MALRD1: variants seen among roughly 807,000 people sequenced by gnomAD.
The protein encoded by MALRD1 is MAM and LDL-receptor class A domain-containing protein 1.
Under a neutral mutation model 242.1 loss-of-function variants are expected in MALRD1, and 247 were observed. The ratio of observed to expected loss-of-function variants is 1.02; its 90% CI spans 0.92 to 1.13. The LOEUF is 1.13. Ranked by LOEUF, MALRD1 falls within the 50% of genes most tolerant of loss-of-function variation. The pLI is 0.00. For missense variants in MALRD1, 2,989 were observed against 2,533.1 expected (o/e 1.18, Z -3.86); for synonymous variants, 995 against 866.6 (o/e 1.15, Z -2.60).
chr10:19,162,563 C>T (rs1402970193), intron 12 of MALRD1, among the ~76,000 whole-genome samples: 3 of 152,034 alleles, frequency 2.0e-5, no homozygotes, highest in African/African-American at 4.8e-5. Flanking sequence ...CAGCTTGTAT[C>T]AATAACTTAA....
rs999029449 is a variant in MALRD1, at chr10:19,701,547, G to T, written c.6314+8993G>T. On this transcript the variant is annotated intron_variant, in intron 38 of 39. Coordinates refer to ENST00000454679, the MANE Select transcript of MALRD1 (RefSeq NM_001142308.3). ...ACACCCTGGACGAAGGGAGCAGAGG[G>T]ACAGTCAGGTACTGAAGCACCCAAA... Among the ~76,000 whole-genome samples the T allele has an allele frequency of 1.2e-4, 18 of 152,084 alleles. 1 individual carries two copies. Among genetic ancestry groups the T allele is most frequent in the Admixed American group, 1.2e-3 (18 of 15,252 alleles).
chr10:19,146,374 A>G, intron 11 of MALRD1, 30 bp downstream of exon 11: 1 of 1,207,180 alleles, frequency 8.3e-7, no homozygotes, highest in Non-Finnish European at 1.0e-6. Flanking sequence ...AAAAAAAAAT[A>G]GTTTTCTTTC....
intron 28 of MALRD1, among the ~76,000 whole-genome samples, chr10:19,425,463 C>T (rs971001548): frequency 3.3e-5 from 5 of 152,012 alleles, no homozygotes; most frequent in African/African-American, 1.2e-4. Flanking sequence ...TGTATGTATA[C>T]ATGGATCCAT....
intron 39 of MALRD1, among the ~76,000 whole-genome samples, chr10:19,732,224 A>G (rs1212045431): frequency 2.0e-5 from 3 of 152,220 alleles, no homozygotes; most frequent in African/African-American, 7.2e-5. Flanking sequence ...ATGGTGTAAT[A>G]TAAATATATT....
chr10:19,250,587 G>A (rs1839254172), intron 18 of MALRD1, among the ~76,000 whole-genome samples: 1 of 151,834 alleles, frequency 6.6e-6, no homozygotes, highest in Admixed American at 6.6e-5. Context: ...ATATATCAGA[G>A]GCAAAAACAC....
At chr10:19,423,936 G>A (rs1414900948) in intron 28 of MALRD1, among the ~76,000 whole-genome samples, 4 of 152,004 alleles carry the variant, frequency 2.6e-5, no homozygotes, top group African/African-American at 9.7e-5. Context: ...TATTTCATAT[G>A]GATCATTTAT....
chr10:19,563,819 T>C (rs1836123543), intron 32 of MALRD1, among the ~76,000 whole-genome samples: 1 of 152,212 alleles, frequency 6.6e-6, no homozygotes, highest in Non-Finnish European at 1.5e-5. Flanking sequence ...CCAAATCATA[T>C]TGAGGTGTAA....
chr10:19,190,312 T>C (rs1047536286), intron 14 of MALRD1, among the ~76,000 whole-genome samples: 1 of 152,020 alleles, frequency 6.6e-6, no homozygotes, highest in Admixed American at 6.6e-5. Flanking sequence ...AAAATATAGA[T>C]AATGAAAAGA....
chr10:19,689,767 A>T (rs1842744986), intron 36 of MALRD1, among the ~76,000 whole-genome samples: 2 of 152,224 alleles, frequency 1.3e-5, no homozygotes, highest in African/African-American at 4.8e-5. Flanking sequence ...ATTTTATCCC[A>T]TGACAGTTTT....
chr10:19,412,078 C>T (rs899934612), intron 28 of MALRD1, among the ~76,000 whole-genome samples: 1 of 152,260 alleles, frequency 6.6e-6, no homozygotes, highest in African/African-American at 2.4e-5. Flanking sequence ...GTGGGTGGAT[C>T]ACCTGAATTC....
At chr10:19,402,571 A>G (rs1208826037) in intron 28 of MALRD1, among the ~76,000 whole-genome samples, 3 of 152,134 alleles carry the variant, frequency 2.0e-5, no homozygotes, top group Non-Finnish European at 4.4e-5. Context: ...TCTTTCCTTT[A>G]TAAATTACCC....
chr10:19,215,851 AACTC>A lies in MALRD1; in HGVS notation c.2991+6173_2991+6176del, dbSNP rs1414271121. ...ATACATAATTTAGTATAAATAATAA[AACTC>A]ATAAATTAGTATGACTTTATTTTGC... On this transcript the variant is annotated intron_variant, in intron 18 of 39. Coordinates refer to ENST00000454679, the MANE Select transcript of MALRD1 (RefSeq NM_001142308.3). 1.5e-4 allele frequency among the ~76,000 whole-genome samples: 8 copies of A among 51,840 alleles called. 2 individuals are homozygous for A. Among genetic ancestry groups the A allele is most frequent in the Non-Finnish European group, 2.7e-4 (5 of 18,742 alleles). The allele number at this position is 51,840 out of a possible 152,430, so 34.0% of individuals were successfully genotyped here. A position where few individuals can be genotyped will look rare whatever the true frequency, so the allele number is the denominator to read the frequency against.
At chr10:19,337,087 ATATT>A (rs1405202235) in intron 24 of MALRD1, among the ~76,000 whole-genome samples, 6 of 152,122 alleles carry the variant, frequency 3.9e-5, no homozygotes, top group African/African-American at 1.2e-4. Flanking sequence ...ATTTGTGTAT[ATATT>A]ATACACAAGT....
At chr10:19,377,680 G>A (rs576018965) in intron 26 of MALRD1, among the ~76,000 whole-genome samples, 85 of 151,474 alleles carry the variant, frequency 5.6e-4, no homozygotes, top group African/African-American at 2.0e-3. Flanking sequence ...AACCATTAAT[G>A]AATTAAGAAC....
At chr10:19,421,213 G>A (rs1007084117) in intron 28 of MALRD1, among the ~76,000 whole-genome samples, 5 of 152,164 alleles carry the variant, frequency 3.3e-5, no homozygotes, top group Non-Finnish European at 2.9e-5. Flanking sequence ...GTTTGTGTGT[G>A]TATGTGTATG....
intron 19 of MALRD1, among the ~76,000 whole-genome samples, chr10:19,276,051 C>T (rs1439063373): frequency 1.3e-5 from 2 of 152,114 alleles, no homozygotes; most frequent in Non-Finnish European, 2.9e-5. Context: ...GAACATTTTT[C>T]TCAGTGCAAA....
At chr10:19,607,325 G>A (rs911851326) in intron 34 of MALRD1, among the ~76,000 whole-genome samples, 3 of 152,116 alleles carry the variant, frequency 2.0e-5, no homozygotes, top group African/African-American at 7.2e-5. Context: ...CAACGTGTAG[G>A]CAGGTTTGGT....
At chr10:19,576,904 A>G (rs1291987809) in intron 33 of MALRD1, among the ~76,000 whole-genome samples, 4 of 150,058 alleles carry the variant, frequency 2.7e-5, no homozygotes, top group African/African-American at 9.8e-5. Flanking sequence ...GGTATTGTTG[A>G]TATCTGTAGC....
chr10:19,201,005 C>T (rs1453812044), intron 14 of MALRD1, among the ~76,000 whole-genome samples: 1 of 152,034 alleles, frequency 6.6e-6, no homozygotes, highest in African/African-American at 2.4e-5. Context: ...AGAGTAAATG[C>T]TAATTGCAAT....
Sources: allele counts gnomAD v4.1 joint callset (sites outside exome capture counted in the v4.1 genomes callset), GRCh38; gene constraint gnomAD v4.1.1; transcripts MANE v1.5; gene names NCBI Gene and HGNC (gene_info 2026-07-23, HGNC 2026-07-21).